The following HELZ variants were observed in gnomAD, a reference collection of about 807,000 sequenced individuals.
The protein encoded by HELZ is ATP-dependent RNA helicase with zinc finger domain.
In HELZ, 23 loss-of-function variants were observed where a neutral mutation model predicts 218.2. The observed-to-expected ratio is 0.11, with a 90% CI of 0.08 to 0.15. The LOEUF (loss-of-function observed/expected upper bound fraction) is 0.15, where lower values mean the gene tolerates loss of function less well. HELZ is among the 10% of genes least tolerant of loss of function. The pLI is 1.00. For synonymous variants in HELZ, 814 were observed against 829.4 expected (o/e 0.98, Z 0.32); for missense variants, 1,813 against 2,353.7 (o/e 0.77, Z 4.75).
chr17:67,108,729 G>A lies in HELZ; in HGVS notation c.4490-3C>T. 1 of 1,549,218 alleles carries A rather than the reference G, an allele frequency of 6.5e-7. No individual in the cohort carries two copies. Among genetic ancestry groups the A allele is most frequent in the African/African-American group, 1.4e-5 (1 of 72,624 alleles). On this transcript the variant is annotated splice_polypyrimidine_tract_variant and splice_region_variant and intron_variant, in intron 29 of 32. Coordinates refer to ENST00000358691, the MANE Select transcript of HELZ (RefSeq NM_014877.4). The surrounding 1 kb of genome is among the most constrained non-coding windows in gnomAD (Gnocchi z 4.1). ...AGCGACACTCCCATGTATACGATCTGCAAAAATATTTGTGAAAAATTTTTT... is the reference window on the plus strand; with the variant it reads ...AGCGACACTCCCATGTATACGATCTACAAAAATATTTGTGAAAAATTTTTT...
intron 31 of HELZ, among the ~76,000 whole-genome samples, chr17:67,095,018 G>C (rs910714158): frequency 6.6e-6 from 1 of 152,170 alleles, no homozygotes; most frequent in Non-Finnish European, 1.5e-5. Flanking sequence ...TTTCACAAAA[G>C]ATTTCCTTAT....
At chr17:67,103,874 G>A (rs887973218) in intron 31 of HELZ, among the ~76,000 whole-genome samples, 4 of 152,200 alleles carry the variant, frequency 2.6e-5, no homozygotes, top group African/African-American at 9.6e-5. Context: ...ACAATACAGT[G>A]TGGTACTGGC....
At chr17:67,165,022 TGAAAA>T (rs2039099921) in intron 15 of HELZ, among the ~76,000 whole-genome samples, 1 of 152,014 alleles carries the variant, frequency 6.6e-6, no homozygotes, top group Admixed American at 6.5e-5. Flanking sequence ...GCTCTGAGAA[TGAAAA>T]GAAAAGGAAG....
At chr17:67,132,234 G>C (rs954921423) in intron 23 of HELZ, among the ~76,000 whole-genome samples, 1 of 152,108 alleles carries the variant, frequency 6.6e-6, no homozygotes, top group Non-Finnish European at 1.5e-5. Flanking sequence ...GTGTGTGTGT[G>C]TGTGTGTGTG....
chr17:67,208,831 G>A (rs996834358), intron 5 of HELZ, among the ~76,000 whole-genome samples: 16 of 151,850 alleles, frequency 1.1e-4, no homozygotes, highest in African/African-American at 3.1e-4. Flanking sequence ...CAGCTACTTG[G>A]GAGGCTGGGG....
intron 17 of HELZ, among the ~76,000 whole-genome samples, chr17:67,154,761 T>C (rs992015612): frequency 3.9e-5 from 6 of 152,174 alleles, no homozygotes; most frequent in Non-Finnish European, 7.4e-5. Context: ...AGGGGGAAAT[T>C]TTACACAATG....
At chr17:67,127,210 T>C (rs2037827506) in intron 24 of HELZ, among the ~76,000 whole-genome samples, 1 of 152,208 alleles carries the variant, frequency 6.6e-6, no homozygotes, top group Non-Finnish European at 1.5e-5. Flanking sequence ...TCTCACTTCC[T>C]CTCACTTCTC....
intron 4 of HELZ, among the ~76,000 whole-genome samples, chr17:67,217,939 T>TG (rs2040647030): frequency 1.3e-5 from 2 of 151,570 alleles, no homozygotes; most frequent in African/African-American, 4.8e-5. Flanking sequence ...TGTTTTTTTT[T>TG]TTTTTAAGAC....
At chr17:67,093,844 T>C (rs1387133837) in intron 31 of HELZ, among the ~76,000 whole-genome samples, 1 of 152,226 alleles carries the variant, frequency 6.6e-6, no homozygotes, top group Non-Finnish European at 1.5e-5. Context: ...TTTCATACAA[T>C]TTCTAAAGTA....
intron 3 of HELZ, among the ~76,000 whole-genome samples, chr17:67,227,952 T>C (rs1254966527): frequency 6.6e-6 from 1 of 152,200 alleles, no homozygotes; most frequent in Non-Finnish European, 1.5e-5. Context: ...ACTGATCAAA[T>C]AGCAAGAGGC....
At chr17:67,207,021 T>C (rs1803129834) in intron 5 of HELZ, among the ~76,000 whole-genome samples, 1 of 146,256 alleles carries the variant, frequency 6.8e-6, no homozygotes, top group African/African-American at 2.6e-5. Flanking sequence ...CAAGCGACTA[T>C]CCTACCTCAG....
Position 67,188,259 on chromosome 17 carries a change from CA to C in HELZ, c.1162+59del. 1 of 1,460,432 alleles carries C rather than the reference CA, an allele frequency of 6.8e-7. No individual in the cohort carries two copies. Among genetic ancestry groups the C allele is most frequent in the South Asian group, 1.3e-5 (1 of 77,032 alleles). 90.5% of individuals were successfully genotyped at this position (1,460,432 alleles called of 1,614,324 possible). On this transcript the variant is annotated intron_variant, in intron 12 of 32. Transcript: ENST00000358691. The surrounding 1 kb of genome is among the most constrained non-coding windows in gnomAD (Gnocchi z 4.1). ...CATGGAATATATTCAGGGGCCAATA[CA>C]TATCTTTGAATGTTGCTTTTTAACA...
chr17:67,170,937 T>C (rs953461816), intron 13 of HELZ, among the ~76,000 whole-genome samples: 1 of 152,098 alleles, frequency 6.6e-6, no homozygotes. Context: ...TTAGGGGTCA[T>C]TAAAACTTTC....
chr17:67,223,320 G>A (rs971078430), intron 3 of HELZ, among the ~76,000 whole-genome samples: 4 of 152,110 alleles, frequency 2.6e-5, no homozygotes, highest in Non-Finnish European at 5.9e-5. Context: ...CAGGGACAGA[G>A]TGGCCCAGGG....
At chr17:67,215,105 C>A (rs1010698047) in intron 5 of HELZ, among the ~76,000 whole-genome samples, 1 of 151,926 alleles carries the variant, frequency 6.6e-6, no homozygotes, top group African/African-American at 2.4e-5. Flanking sequence ...GATCACCCCA[C>A]CCCACTCCAG....
chr17:67,216,069 G>A (rs1026585520), intron 4 of HELZ, 134 bp from the exon 5 acceptor site: 4 of 670,602 alleles, frequency 6.0e-6, no homozygotes, highest in East Asian at 2.8e-5. Context: ...ACAGAGCAAA[G>A]CTAACACATG....
rs2039815338 is a variant in HELZ at position 67,188,452 on chromosome 17, A to T, written c.1029T>A (p.Asp343Glu). The change falls in exon 12 of 33, where the codon GAT becomes GAA. Residue 343 changes from aspartate (D) to glutamate (E), a missense_variant. This residue lies in a region of HELZ where 714 missense variants were observed against 1,029.2 expected (regional missense o/e 0.69). Coordinates refer to ENST00000358691, the MANE Select transcript of HELZ (RefSeq NM_014877.4). The surrounding 1 kb of genome is among the most constrained non-coding windows in gnomAD (Gnocchi z 4.1). ...IGGKMAQNGL[D>E]HYVYKVGIAF... Reference sequence around the variant, plus strand: ...CTATCCCGACTTTATACACGTAATGATCTAATCCATTTTGGGCCATCTTTC... The same window carrying T: ...CTATCCCGACTTTATACACGTAATGTTCTAATCCATTTTGGGCCATCTTTC... The T allele has an allele frequency of 6.2e-7, 1 of 1,613,956 alleles. No individual in the cohort carries two copies. Among genetic ancestry groups the T allele is most frequent in the Non-Finnish European group, 8.5e-7 (1 of 1,179,872 alleles).
chr17:67,215,173 A>T (rs1041000095), intron 5 of HELZ, among the ~76,000 whole-genome samples: 7 of 151,980 alleles, frequency 4.6e-5, no homozygotes, highest in Non-Finnish European at 8.8e-5. Context: ...CACAGGAAAA[A>T]TTACTAAAGA....
chr17:67,083,049 G>T (rs890170361), intron 32 of HELZ, among the ~76,000 whole-genome samples: 2 of 151,424 alleles, frequency 1.3e-5, no homozygotes, highest in South Asian at 2.1e-4. Context: ...CAAAGAAGGG[G>T]TTTCACCATG....
Sources: gnomAD v4.1 joint callset for allele counts (sites outside exome capture counted in the v4.1 genomes callset) on GRCh38, gnomAD v4.1.1 for gene constraint, gnomAD v4.1.1 regional missense constraint, Gnocchi (gnomAD v3.1) non-coding constraint, MANE v1.5 for transcripts, NCBI Gene and HGNC (gene_info 2026-07-23, HGNC 2026-07-21) for gene names.